FBXL17: variants seen among roughly 807,000 people sequenced by gnomAD.
The protein encoded by FBXL17 is F-box and leucine rich repeat protein 17, also known as F-box/LRR-repeat protein 17.
FBXL17 carries 22 observed loss-of-function variants against 66.2 expected under a neutral mutation model. The ratio of observed to expected loss-of-function variants is 0.33; its 90% CI spans 0.24 to 0.47. The LOEUF is 0.47. Ranked by LOEUF, FBXL17 falls within the 20% of genes least tolerant of loss-of-function variation. The pLI is 1.00. For synonymous variants in FBXL17, 474 were observed against 400.5 expected (o/e 1.18, Z -2.19); for missense variants, 878 against 948.2 (o/e 0.93, Z 0.97).
intron 7 of FBXL17, among the ~76,000 whole-genome samples, chr5:107,993,193 C>A (rs1753329975): frequency 6.6e-6 from 1 of 152,176 alleles, no homozygotes; most frequent in African/African-American, 2.4e-5. Context: ...CCGCACCCGG[C>A]CTGTTTTTCT....
rs1433357740 is a variant in FBXL17, at chr5:107,941,555, G to A, written c.1823-60376C>T. Among the ~76,000 whole-genome samples, 5 of 152,192 alleles carry A rather than the reference G, an allele frequency of 3.3e-5. No individual in the cohort carries two copies. In the East Asian group the frequency reaches 9.6e-4, roughly 29 times the overall value. On this transcript the variant is annotated intron_variant, in intron 7 of 8. Transcript: ENST00000542267. Reference sequence around the variant, plus strand: ...TATTTTTATAGACACCTTAGCTCATGTAAAAGTTCTAATGCAAACTTTAGT... The same window carrying A: ...TATTTTTATAGACACCTTAGCTCATATAAAAGTTCTAATGCAAACTTTAGT...
At position 108,310,897 on chromosome 5, in the gene FBXL17, C is replaced by T. The variant is rs559505022; in HGVS notation, c.1506+37502G>A. On this transcript the variant is annotated intron_variant, in intron 4 of 8. Coordinates refer to ENST00000542267, the MANE Select transcript of FBXL17 (RefSeq NM_001163315.3). ...AAAGTCCACAGACAATTTTACTTCA[C>T]TACCTGCTGTTGCCAGTTGAGATTT... Among the ~76,000 whole-genome samples, 30 of 152,314 alleles carry T rather than the reference C, an allele frequency of 2.0e-4. 1 individual carries two copies. The highest frequency in any genetic ancestry group is 5.8e-4 in the East Asian group (3 of 5,192).
chr5:108,305,551 C>G (rs1352127564), intron 4 of FBXL17, among the ~76,000 whole-genome samples: 1 of 151,938 alleles, frequency 6.6e-6, no homozygotes, highest in African/African-American at 2.4e-5. Context: ...GTCAACTATA[C>G]TAAAGAGTGT....
At chr5:108,123,560 C>T (rs1015380958) in intron 6 of FBXL17, among the ~76,000 whole-genome samples, 5 of 152,060 alleles carry the variant, frequency 3.3e-5, no homozygotes, top group African/African-American at 1.2e-4. Context: ...GTAAAGATAT[C>T]ACTGAGTCTT....
At chr5:108,280,465 C>T (rs1462750981) in intron 4 of FBXL17, among the ~76,000 whole-genome samples, 1 of 151,920 alleles carries the variant, frequency 6.6e-6, no homozygotes, top group Non-Finnish European at 1.5e-5. Flanking sequence ...GAGTCCTAAA[C>T]TTGGAAGCAA....
At chr5:107,864,990 T>C (rs1748232294) in intron 8 of FBXL17, among the ~76,000 whole-genome samples, 1 of 152,224 alleles carries the variant, frequency 6.6e-6, no homozygotes, top group South Asian at 2.1e-4. Flanking sequence ...CAGGTTTCAC[T>C]AAGAGATGAA....
rs934866500 is a variant in FBXL17, at chr5:108,227,680, T to C, written c.1507-3452A>G. Among the ~76,000 whole-genome samples, 5 of 152,356 alleles carry C rather than the reference T, an allele frequency of 3.3e-5. No homozygotes were observed. The East Asian group carries it at 9.6e-4, about 29-fold the overall frequency. ...TCATAAGAACATTTTCCTAAAATAATGAAACCAACAGCATCTATGGTACAT... is the reference window on the plus strand; with the variant it reads ...TCATAAGAACATTTTCCTAAAATAACGAAACCAACAGCATCTATGGTACAT... On this transcript the variant is annotated intron_variant, in intron 4 of 8. Coordinates refer to ENST00000542267, the MANE Select transcript of FBXL17 (RefSeq NM_001163315.3).
At chr5:108,162,746 A>G (rs929251802) in intron 6 of FBXL17, among the ~76,000 whole-genome samples, 17 of 152,224 alleles carry the variant, frequency 1.1e-4, no homozygotes, top group African/African-American at 3.9e-4. Context: ...AACTGGGCAC[A>G]ATAACAGTAT....
chr5:107,990,650 G>A (rs1477992351), intron 7 of FBXL17, among the ~76,000 whole-genome samples: 2 of 152,078 alleles, frequency 1.3e-5, no homozygotes, highest in Non-Finnish European at 2.9e-5. Flanking sequence ...CCTTAAAACA[G>A]GGCTGGCATA....
chr5:107,890,622 C>T (rs552791506), intron 7 of FBXL17, among the ~76,000 whole-genome samples: 1 of 151,638 alleles, frequency 6.6e-6, no homozygotes, highest in African/African-American at 2.4e-5. Flanking sequence ...CAAGATCACA[C>T]CACTACACTC....
At chr5:108,300,545 A>G (rs976753178) in intron 4 of FBXL17, among the ~76,000 whole-genome samples, 2 of 151,812 alleles carry the variant, frequency 1.3e-5, no homozygotes, top group Admixed American at 6.6e-5. Context: ...TTTTTATATT[A>G]CTTATCTCCA....
In FBXL17 at chr5:107,861,647, G is replaced by T; in HGVS notation, c.*73C>A. The T allele has an allele frequency of 7.3e-7, 1 of 1,375,368 alleles. No homozygotes were observed. The allele number at this position is 1,375,368 out of a possible 1,614,324, so 85.2% of individuals were successfully genotyped here. The stretch of plus-strand genomic sequence containing the variant: ...GGTGACAGTTAAAACCCTTCCGAGA[G>T]ATCAGCTCCCCAAATGTACAATTCT... On this transcript the variant is annotated 3_prime_UTR_variant, in exon 9 of 9. Transcript: ENST00000542267.
At chr5:108,091,632 A>G (rs1388006118) in intron 6 of FBXL17, among the ~76,000 whole-genome samples, 1 of 152,128 alleles carries the variant, frequency 6.6e-6, no homozygotes, top group Non-Finnish European at 1.5e-5. Context: ...ATGTTTCTTG[A>G]GAATGGGAAT....
intron 7 of FBXL17, among the ~76,000 whole-genome samples, chr5:107,952,591 TTA>T (rs1245969159): frequency 6.6e-5 from 10 of 152,236 alleles, no homozygotes; most frequent in Admixed American, 4.6e-4. Flanking sequence ...TTGTCTTATT[TTA>T]ATATACCATC....
At chr5:108,046,401 C>T (rs945480018) in intron 6 of FBXL17, among the ~76,000 whole-genome samples, 1 of 152,122 alleles carries the variant, frequency 6.6e-6, no homozygotes, top group Non-Finnish European at 1.5e-5. Context: ...CTCTGTAAAT[C>T]TGTATCTTTT....
intron 7 of FBXL17, among the ~76,000 whole-genome samples, chr5:107,962,678 G>GTTTT (rs952382776): frequency 6.9e-6 from 1 of 144,122 alleles, no homozygotes. Context: ...AGCGTTAAAA[G>GTTTT]TTTTTTTTTT....
chr5:108,249,660 TA>T (rs1388701297), intron 4 of FBXL17, among the ~76,000 whole-genome samples: 1 of 152,180 alleles, frequency 6.6e-6, no homozygotes, highest in Non-Finnish European at 1.5e-5. Flanking sequence ...TCGGGAATGT[TA>T]TCTTCTGGGT....
At chr5:107,866,508 G>A (rs1035593074) in intron 8 of FBXL17, among the ~76,000 whole-genome samples, 3 of 152,144 alleles carry the variant, frequency 2.0e-5, no homozygotes, top group South Asian at 2.1e-4. Flanking sequence ...TATGGCTGCC[G>A]CTCTTAACGG....
intron 4 of FBXL17, among the ~76,000 whole-genome samples, chr5:108,324,734 A>G (rs1405858057): frequency 8.8e-6 from 1 of 113,332 alleles, no homozygotes; most frequent in Non-Finnish European, 1.9e-5. Flanking sequence ...GTGTATATGT[A>G]TATATATGTG....
Sources: allele counts gnomAD v4.1 joint callset (sites outside exome capture counted in the v4.1 genomes callset), GRCh38; gene constraint gnomAD v4.1.1; transcripts MANE v1.5; gene names NCBI Gene and HGNC (gene_info 2026-07-23, HGNC 2026-07-21).